Variants in GTF2IRD1 observed in about 807,000 individuals in gnomAD.
GTF2IRD1 encodes the protein general transcription factor II-I repeat domain-containing protein 1.
A neutral mutation model predicts 113.2 loss-of-function variants in GTF2IRD1; 26 were observed. The ratio of observed to expected loss-of-function variants is 0.23; its 90% CI spans 0.17 to 0.32. The LOEUF (loss-of-function observed/expected upper bound fraction) is 0.32, where lower values mean the gene tolerates loss of function less well. GTF2IRD1 is among the 10% of genes least tolerant of loss of function. The probability of loss-of-function intolerance (pLI) is 1.00; values close to 1 mark genes in which losing one functional copy is unlikely to be tolerated. For missense variants in GTF2IRD1, 864 were observed against 1,280.8 expected, an observed-to-expected ratio of 0.67 and a Z score of 4.97; for synonymous variants, 484 against 529.1, an observed-to-expected ratio of 0.91 and a Z score of 1.17.
intron 1 of GTF2IRD1, among the ~76,000 whole-genome samples, chr7:74,496,477 GTGCACGTA>G (rs1230839582): frequency 7.3e-6 from 1 of 136,258 alleles, no homozygotes; most frequent in Non-Finnish European, 1.6e-5. Context: ...TCATGTGGGT[GTGCACGTA>G]TGTGTGTGTG....
intron 14 of GTF2IRD1, among the ~76,000 whole-genome samples, chr7:74,540,366 G>T (rs1798561383): frequency 6.6e-6 from 1 of 151,888 alleles, no homozygotes; most frequent in South Asian, 2.1e-4. Context: ...GGCTGGTCTT[G>T]AACTCCCGAC....
intron 14 of GTF2IRD1, among the ~76,000 whole-genome samples, chr7:74,543,836 A>G (rs191035310): frequency 1.9e-4 from 28 of 148,826 alleles, no homozygotes; most frequent in African/African-American, 6.7e-4. Flanking sequence ...AGGAGTTTAC[A>G]ACCAGCCTGG....
At chr7:74,514,409 C>T (rs1042704728) in intron 3 of GTF2IRD1, among the ~76,000 whole-genome samples, 2 of 152,146 alleles carry the variant, frequency 1.3e-5, no homozygotes, top group African/African-American at 4.8e-5. Flanking sequence ...GCACCCCAGC[C>T]GCCCAGAGCC....
intron 1 of GTF2IRD1, among the ~76,000 whole-genome samples, chr7:74,504,314 G>T (rs1043730115): frequency 1.3e-5 from 2 of 152,200 alleles, no homozygotes; most frequent in Admixed American, 6.5e-5. Flanking sequence ...TGCGTTTTGG[G>T]CTGCTGAGAG....
chr7:74,555,466 C>T lies in GTF2IRD1; in HGVS notation c.1995C>T (p.Asp665=), dbSNP rs145914970. 6.5e-4 allele frequency: 1,056 copies of T among 1,612,462 alleles called. 8 individuals carry two copies. In the African/African-American group the frequency reaches 0.011, roughly 16 times the overall value. Reference sequence around the variant, plus strand: ...GGGATTCCGGGGACCCTCTGGTGGACGAGAGCCTGAAGAGACAGGGCTTTC... The same window carrying T: ...GGGATTCCGGGGACCCTCTGGTGGATGAGAGCCTGAAGAGACAGGGCTTTC... ...QERDSGDPLV[D]ESLKRQGFQE... The change falls in exon 19 of 27, where the codon GAC becomes GAT. Residue 665 remains aspartate, a synonymous_variant. Transcript: ENST00000424337. The surrounding 1 kb of genome is among the most constrained non-coding windows in gnomAD (Gnocchi z 5.3).
chr7:74,579,869 C>T (rs1801307999), intron 22 of GTF2IRD1, among the ~76,000 whole-genome samples: 1 of 152,000 alleles, frequency 6.6e-6, no homozygotes, highest in Admixed American at 6.6e-5. Context: ...TGGACAAGCC[C>T]CTGCTTGAAT....
At chr7:74,501,512 G>A (rs1054345214) in intron 1 of GTF2IRD1, among the ~76,000 whole-genome samples, 6 of 152,168 alleles carry the variant, frequency 3.9e-5, no homozygotes, top group Non-Finnish European at 5.9e-5. Flanking sequence ...GAGTCGTCAT[G>A]GCCGAGCCCC....
At chr7:74,537,226 A>T (rs782419150) in intron 11 of GTF2IRD1, among the ~76,000 whole-genome samples, 2 of 152,168 alleles carry the variant, frequency 1.3e-5, no homozygotes, top group African/African-American at 4.8e-5. Flanking sequence ...CCTGGCCAAC[A>T]TGGCAAAACC....
At chr7:74,572,542 C>A in intron 22 of GTF2IRD1, 1 of 977,900 alleles carries the variant, frequency 1.0e-6, no homozygotes, top group Non-Finnish European at 1.2e-6. Flanking sequence ...GTCTCCATTT[C>A]TTTGACGTGA....
At position 74,558,874 on chromosome 7, in the gene GTF2IRD1, C is replaced by A; in HGVS notation, c.2121C>A (p.Gly707=). ...TCTCGCCCACAGGGGAAGCCTTGGGCATCAAGTACCCGGTCCAGGTCCCCT... is the reference window on the plus strand; with the variant it reads ...TCTCGCCCACAGGGGAAGCCTTGGGAATCAAGTACCCGGTCCAGGTCCCCT... ...LFNKKYGEAL[G]IKYPVQVPYK... Residue 707 remains glycine (G), a synonymous_variant, in exon 21 of 27, where the codon GGC becomes GGA. Coordinates refer to ENST00000424337, the MANE Select transcript of GTF2IRD1 (RefSeq NM_005685.4). The A allele has an allele frequency of 1.2e-6, 2 of 1,612,484 alleles. No homozygotes were observed. The highest frequency in any genetic ancestry group is 2.2e-5 in the South Asian group (2 of 90,890).
At chr7:74,542,918 T>A (rs1554352178) in intron 14 of GTF2IRD1, among the ~76,000 whole-genome samples, 3 of 152,228 alleles carry the variant, frequency 2.0e-5, no homozygotes, top group African/African-American at 7.2e-5. Context: ...TCAGCAAGGC[T>A]CATCCACCTC....
At chr7:74,588,902 C>T (rs1246631534) in intron 22 of GTF2IRD1, among the ~76,000 whole-genome samples, 1 of 152,144 alleles carries the variant, frequency 6.6e-6, no homozygotes, top group Non-Finnish European at 1.5e-5. Flanking sequence ...AGGGTGGGCA[C>T]CCTCATTCAT....
chr7:74,588,292 GA>G (rs1462701999), intron 22 of GTF2IRD1, among the ~76,000 whole-genome samples: 1 of 151,330 alleles, frequency 6.6e-6, no homozygotes. Context: ...ATTTTTAGTA[GA>G]GACGGGGTTT....
chr7:74,582,340 T>A (rs1368423455), intron 22 of GTF2IRD1, among the ~76,000 whole-genome samples: 1 of 152,240 alleles, frequency 6.6e-6, no homozygotes, highest in Non-Finnish European at 1.5e-5. Flanking sequence ...GTCACTTATG[T>A]GCCCAAGGAG....
chr7:74,600,036 C>T (rs1365502867), intron 25 of GTF2IRD1, among the ~76,000 whole-genome samples: 1 of 152,188 alleles, frequency 6.6e-6, no homozygotes, highest in African/African-American at 2.4e-5. Context: ...TGAATAGGAT[C>T]TTGGAGGGTT....
chr7:74,543,777 T>C (rs1239274915), intron 14 of GTF2IRD1, among the ~76,000 whole-genome samples: 1 of 148,852 alleles, frequency 6.7e-6, no homozygotes, highest in Non-Finnish European at 1.5e-5. Context: ...GGTACATGCC[T>C]CTAGTTCCAG....
intron 22 of GTF2IRD1, among the ~76,000 whole-genome samples, chr7:74,587,006 G>A (rs1366201045): frequency 6.6e-6 from 1 of 152,148 alleles, no homozygotes; most frequent in Non-Finnish European, 1.5e-5. Context: ...AACTTAGTCT[G>A]GCATGGTGAT....
intron 14 of GTF2IRD1, among the ~76,000 whole-genome samples, chr7:74,543,882 A>AC (rs1798771725): frequency 1.3e-5 from 2 of 150,160 alleles, no homozygotes; most frequent in Admixed American, 6.7e-5. Context: ...CAAAAAAAAA[A>AC]AAAAAAAAAA....
chr7:74,455,034 C>T (rs1191498990), intron 1 of GTF2IRD1, among the ~76,000 whole-genome samples: 2 of 152,164 alleles, frequency 1.3e-5, no homozygotes, highest in East Asian at 1.9e-4. Context: ...GCCGCTGTGC[C>T]GCTGAGAGTT....
Sources: gnomAD v4.1 joint callset for allele counts (sites outside exome capture counted in the v4.1 genomes callset) on GRCh38, gnomAD v4.1.1 for gene constraint, Gnocchi (gnomAD v3.1) non-coding constraint, MANE v1.5 for transcripts, NCBI Gene and HGNC (gene_info 2026-07-23, HGNC 2026-07-21) for gene names.